STK3: variants seen among roughly 807,000 people sequenced by gnomAD.
STK3 encodes serine/threonine kinase 3, also known as serine/threonine-protein kinase 3.
In STK3, 41 loss-of-function variants were observed where a neutral mutation model predicts 58.0. The ratio of observed to expected loss-of-function variants is 0.71; its 90% CI spans 0.55 to 0.92. STK3 has a LOEUF of 0.92. Ranked by LOEUF, STK3 falls within the 40% of genes least tolerant of loss-of-function variation. The pLI, the probability that STK3 is intolerant of heterozygous loss-of-function variation, is 0.00. For synonymous variants in STK3, 170 were observed against 191.0 expected, an observed-to-expected ratio of 0.89 and a Z score of 0.91; for missense variants, 479 against 602.7, an observed-to-expected ratio of 0.79 and a Z score of 2.15.
At chr8:98,614,397 A>G (rs756034434) in intron 6 of STK3, among the ~76,000 whole-genome samples, 1 of 152,172 alleles carries the variant, frequency 6.6e-6, no homozygotes, top group African/African-American at 2.4e-5. Flanking sequence ...CTTGAAAACT[A>G]AAGAACACGC....
chr8:98,840,608 TATA>T (rs1352859608), intron 3 of STK3, among the ~76,000 whole-genome samples: 1 of 133,004 alleles, frequency 7.5e-6, no homozygotes, highest in African/African-American at 2.9e-5. Context: ...TATATATATA[TATA>T]TATATATATA....
chr8:98,914,674 C>T (rs542487002), intron 1 of STK3, among the ~76,000 whole-genome samples: 17 of 152,244 alleles, frequency 1.1e-4, no homozygotes, highest in Admixed American at 4.6e-4. Context: ...GAATGGATTT[C>T]TAAACATGGG....
chr8:98,396,584 G>A (rs1374506877), downstream of STK3, among the ~76,000 whole-genome samples: 2 of 152,250 alleles, frequency 1.3e-5, no homozygotes, highest in Admixed American at 1.3e-4. Flanking sequence ...TTTCATGTCT[G>A]ATGGCCAGTG....
chr8:98,677,721 A>C (rs952283013), intron 6 of STK3, among the ~76,000 whole-genome samples: 6 of 152,098 alleles, frequency 3.9e-5, no homozygotes, highest in African/African-American at 1.4e-4. Flanking sequence ...CCTTCCACCA[A>C]ATCTCCAAAT....
At chr8:98,675,180 G>A (rs1429994626) in intron 6 of STK3, among the ~76,000 whole-genome samples, 2 of 152,130 alleles carry the variant, frequency 1.3e-5, no homozygotes, top group Non-Finnish European at 2.9e-5. Flanking sequence ...ATAAAGCACT[G>A]TACAGATTTT....
intron 8 of STK3, among the ~76,000 whole-genome samples, chr8:98,567,579 GA>G: frequency 6.6e-6 from 1 of 152,246 alleles, no homozygotes; most frequent in South Asian, 2.1e-4. Context: ...CTACCTTACA[GA>G]AGTTTTCCCT....
intron 3 of STK3, chr8:98,427,895 G>C: frequency 1.6e-6 from 2 of 1,228,616 alleles, no homozygotes; most frequent in Non-Finnish European, 2.2e-6. Context: ...GGCCCCGCCA[G>C]GGCGCACGGC....
rs376528787 is a variant in STK3 at position 98,908,961 on chromosome 8, GC to G, written c.-78-25128del. 3.2e-4 allele frequency among the ~76,000 whole-genome samples: 48 copies of G among 151,878 alleles called. No homozygotes were observed. The East Asian group carries it at 7.4e-3, about 23-fold the overall frequency. On this transcript the variant is annotated intron_variant, in intron 1 of 1. Coordinates refer to the STK3 transcript ENST00000519420. ...ACTTGAGGTCAGGAGTTCAAGACCA[GC>G]CTGGCCAAGATGGTGAAACCCTGTC...
chr8:98,394,883 A>G (rs1231493329), intron 3 of STK3, among the ~76,000 whole-genome samples: 1 of 152,228 alleles, frequency 6.6e-6, no homozygotes, highest in Admixed American at 6.5e-5. Flanking sequence ...GAGAAGAAAC[A>G]TGACTAGTGG....
chr8:98,793,227 G>A (rs1832919866), intron 1 of STK3, among the ~76,000 whole-genome samples: 1 of 152,038 alleles, frequency 6.6e-6, no homozygotes, highest in South Asian at 2.1e-4. Flanking sequence ...TGGGTACAGT[G>A]TATACTGCTC....
chr8:98,500,559 G>A (rs1228705334), intron 10 of STK3, among the ~76,000 whole-genome samples: 1 of 151,722 alleles, frequency 6.6e-6, no homozygotes, highest in Non-Finnish European at 1.5e-5. Flanking sequence ...TCCCCGCCCT[G>A]TGTCCAAGTG....
intron 4 of STK3, among the ~76,000 whole-genome samples, chr8:98,713,504 C>T (rs1167543714): frequency 1.4e-4 from 21 of 152,188 alleles, no homozygotes; most frequent in South Asian, 2.1e-4. Context: ...AACACCTCTA[C>T]GCAAATAAAC....
intron 3 of STK3, among the ~76,000 whole-genome samples, chr8:98,833,142 G>A (rs1316307046): frequency 2.0e-5 from 3 of 152,138 alleles, no homozygotes; most frequent in Non-Finnish European, 2.9e-5. Flanking sequence ...GAAACTACAG[G>A]CAAAACCATA....
chr8:98,672,985 A>C (rs1385450617), intron 6 of STK3, among the ~76,000 whole-genome samples: 1 of 152,218 alleles, frequency 6.6e-6, no homozygotes, highest in Non-Finnish European at 1.5e-5. Flanking sequence ...TTCTTTAAAA[A>C]AAAATGCACA....
intron 9 of STK3, among the ~76,000 whole-genome samples, chr8:98,535,456 ATT>A (rs34779344): frequency 7.7e-5 from 11 of 143,716 alleles, no homozygotes; most frequent in Admixed American, 1.4e-4. Flanking sequence ...GCTTTCATTA[ATT>A]TTTTTTTTTT....
intron 2 of STK3, among the ~76,000 whole-genome samples, chr8:98,770,039 C>T (rs1831201683): frequency 6.6e-6 from 1 of 152,102 alleles, no homozygotes; most frequent in Non-Finnish European, 1.5e-5. Context: ...AAGAGAAGTA[C>T]CTAGAGAACT....
At chr8:98,633,887 A>G in intron 6 of STK3, 1 of 340,458 alleles carries the variant, frequency 2.9e-6, no homozygotes, top group Non-Finnish European at 5.8e-6. Context: ...ATAAAGTAAA[A>G]TTAACCTGGT....
chr8:98,741,604 AG>A (rs1298772785), intron 4 of STK3, among the ~76,000 whole-genome samples: 2 of 152,200 alleles, frequency 1.3e-5, no homozygotes, highest in African/African-American at 4.8e-5. Flanking sequence ...CAGTGTGTAG[AG>A]GGAAATTTAT....
chr8:98,941,166 C>A (rs980173605), intron 1 of STK3, among the ~76,000 whole-genome samples: 1 of 152,230 alleles, frequency 6.6e-6, no homozygotes, highest in Non-Finnish European at 1.5e-5. Flanking sequence ...CTGCAGCCCG[C>A]GGCTGCGCTT....
Sources: gnomAD v4.1 joint callset for allele counts (sites outside exome capture counted in the v4.1 genomes callset) on GRCh38, gnomAD v4.1.1 for gene constraint, MANE v1.5 for transcripts, NCBI Gene and HGNC (gene_info 2026-07-23, HGNC 2026-07-21) for gene names.